The following MORC3 variants were observed in gnomAD, a reference collection of about 807,000 sequenced individuals.
MORC3 encodes MORC family CW-type zinc finger 3.
MORC3 carries 31 observed loss-of-function variants against 109.1 expected under a neutral mutation model. The observed-to-expected ratio is 0.28, with a 90% CI of 0.21 to 0.38. The LOEUF (loss-of-function observed/expected upper bound fraction) is 0.38. MORC3 is among the 10% of genes least tolerant of loss of function. The probability of loss-of-function intolerance (pLI) is 1.00; values close to 1 mark genes in which losing one functional copy is unlikely to be tolerated. For synonymous variants in MORC3, 395 were observed against 380.7 expected (o/e 1.04, Z -0.44); for missense variants, 867 against 1,135.8 (o/e 0.76, Z 3.40).
intron 8 of MORC3, among the ~76,000 whole-genome samples, chr21:36,346,492 G>GAGA (rs1428386555): frequency 9.2e-5 from 14 of 152,248 alleles, no homozygotes; most frequent in African/African-American, 3.4e-4. Context: ...AGTGCTTCAA[G>GAGA]ACCAGCTTGG....
chr21:36,374,321 C>T (rs570824536), intron 16 of MORC3, among the ~76,000 whole-genome samples: 17 of 152,072 alleles, frequency 1.1e-4, no homozygotes, highest in Non-Finnish European at 2.2e-4. Context: ...GAACTCCTGA[C>T]CTCAGGCGAT....
chr21:36,326,533 A>G (rs943718110), intron 1 of MORC3, among the ~76,000 whole-genome samples: 1 of 152,158 alleles, frequency 6.6e-6, no homozygotes, highest in African/African-American at 2.4e-5. Context: ...TAAATAAATA[A>G]TAAAATGTTT....
At chr21:36,345,661 C>G (rs767992413) in intron 8 of MORC3, among the ~76,000 whole-genome samples, 1 of 151,890 alleles carries the variant, frequency 6.6e-6, no homozygotes, top group Non-Finnish European at 1.5e-5. Context: ...ACCTGGTGAT[C>G]TGCCTGCCTC....
intron 7 of MORC3, 99 bp from the exon 8 acceptor site, chr21:36,344,813 C>T: frequency 1.3e-6 from 2 of 1,593,362 alleles, no homozygotes; most frequent in South Asian, 1.1e-5. Flanking sequence ...CTAGCTTTGC[C>T]CTCCTTTGTG....
chr21:36,367,905 T>G (rs912947845), intron 14 of MORC3, among the ~76,000 whole-genome samples: 8 of 152,216 alleles, frequency 5.3e-5, no homozygotes, highest in Non-Finnish European at 1.0e-4. Flanking sequence ...ACAGTTAAGC[T>G]AGCAATAGAC....
rs1220775510 is a variant in MORC3 at position 36,350,101 on chromosome 21, G to C, written c.1103+693G>C. On this transcript the variant is annotated intron_variant, in intron 9 of 16. Coordinates refer to ENST00000400485, the MANE Select transcript of MORC3 (RefSeq NM_015358.3). ...TGGACAAATTGCTTGAGCTCAGAAG[G>C]TTGAGACCAGCGTGGGCAACATGGC... Among the ~76,000 whole-genome samples the C allele has an allele frequency of 2.6e-5, 4 of 152,140 alleles. 1 individual carries two copies. Among genetic ancestry groups the C allele is most frequent in the African/African-American group, 7.2e-5 (3 of 41,424 alleles).
At position 36,337,911 on chromosome 21, in the gene MORC3, A is replaced by T; in HGVS notation, c.425A>T (p.His142Leu). The T allele has an allele frequency of 6.2e-7, 1 of 1,614,214 alleles. No homozygotes were observed. The highest frequency in any genetic ancestry group is 8.5e-7 in the Non-Finnish European group (1 of 1,180,036). Reference protein sequence around the residue: ...QTYLEVIKAEHVVVPIVAFNK... With the variant: ...QTYLEVIKAELVVVPIVAFNK... ...TACTTGGAAGTCATAAAAGCGGAGC[A>T]TGTTGTTGTTCCAATAGTGGCATTC... Residue 142 changes from histidine to leucine, a missense_variant, in exon 4 of 17, where the codon CAT (histidine) becomes CTT (leucine). Coordinates refer to ENST00000400485, the MANE Select transcript of MORC3 (RefSeq NM_015358.3).
At chr21:36,338,019 C>T in intron 4 of MORC3, 73 bp downstream of exon 4, 1 of 1,494,778 alleles carries the variant, frequency 6.7e-7, no homozygotes, top group South Asian at 1.2e-5. Flanking sequence ...TATGTTTTTG[C>T]CTTCTTCCAG....
intron 10 of MORC3, among the ~76,000 whole-genome samples, chr21:36,358,046 T>C (rs1461549149): frequency 6.6e-6 from 1 of 152,078 alleles, no homozygotes; most frequent in East Asian, 1.9e-4. Context: ...CATCCTGTTT[T>C]GAAGTTGTTT....
chr21:36,360,992 A>C (rs975372920), intron 12 of MORC3: 1 of 151,296 alleles, frequency 6.6e-6, no homozygotes, highest in African/African-American at 2.4e-5. Context: ...GAATCGTTTG[A>C]ACCTGGAGGG....
At position 36,337,062 on chromosome 21, in the gene MORC3, C is replaced by G. The variant is rs985355856; in HGVS notation, c.245+56C>G. On this transcript the variant is annotated intron_variant, in intron 3 of 16. Coordinates refer to ENST00000400485, the MANE Select transcript of MORC3 (RefSeq NM_015358.3). ...TTGTTGCTTTTACCTAAAGGGTTTT[C>G]CATGCCATACTTACTATTCTTGGTT... 20 of 1,567,964 alleles carry G rather than the reference C, an allele frequency of 1.3e-5. No homozygotes were observed. In the South Asian group the frequency reaches 2.2e-4, roughly 17 times the overall value.
intron 9 of MORC3, 37 bp downstream of exon 9, chr21:36,349,445 AG>A (rs1302951259): frequency 1.5e-6 from 2 of 1,349,968 alleles, no homozygotes; most frequent in African/African-American, 3.0e-5. Context: ...TGAGGTTCCT[AG>A]GAAATGTATT....
chr21:36,365,612 G>C (rs1053703999), intron 14 of MORC3, among the ~76,000 whole-genome samples: 2 of 151,984 alleles, frequency 1.3e-5, no homozygotes, highest in African/African-American at 4.8e-5. Flanking sequence ...TCGGAGTTTG[G>C]CTTTTGTTGC....
chr21:36,335,166 A>G (rs1569091344), intron 2 of MORC3, among the ~76,000 whole-genome samples: 1 of 152,188 alleles, frequency 6.6e-6, no homozygotes, highest in South Asian at 2.1e-4. Flanking sequence ...GCACACAAAC[A>G]TAAGCCTAAT....
At chr21:36,360,324 C>T in intron 12 of MORC3, 66 bp downstream of exon 12, 3 of 1,438,380 alleles carry the variant, frequency 2.1e-6, no homozygotes, top group South Asian at 1.2e-5. Flanking sequence ...GCCTTGGCAA[C>T]ATTATTTGAT....
intron 13 of MORC3, among the ~76,000 whole-genome samples, chr21:36,363,858 G>C (rs1299987673): frequency 6.6e-6 from 1 of 152,098 alleles, no homozygotes; most frequent in African/African-American, 2.4e-5. Context: ...TCTTTGTTTT[G>C]TTGCTTTGTT....
chr21:36,373,686 C>G lies in MORC3; in HGVS notation c.2666+1155C>G, dbSNP rs141801874. The stretch of plus-strand genomic sequence containing the variant: ...TTATCAAAGGTCTAGTGGACTCTTA[C>G]CATAAAAGCTCACAAAAAAACATGC... On this transcript the variant is annotated intron_variant, in intron 16 of 16. Coordinates refer to ENST00000400485, the MANE Select transcript of MORC3 (RefSeq NM_015358.3). 2.9e-3 allele frequency among the ~76,000 whole-genome samples: 447 copies of G among 151,772 alleles called. 2 individuals carry two copies. The highest frequency in any genetic ancestry group is 9.9e-3 in the African/African-American group (408 of 41,390).
rs751489657 is a variant in MORC3 at position 36,363,535 on chromosome 21, C to T, written c.1453-558C>T. ...TGCTCAGAACTCTTATATTAGCCTACATTGGGCAGTCATCTGACAGTCTGT... is the reference window on the plus strand; with the variant it reads ...TGCTCAGAACTCTTATATTAGCCTATATTGGGCAGTCATCTGACAGTCTGT... On this transcript the variant is annotated intron_variant, in intron 13 of 16. Coordinates refer to ENST00000400485, the MANE Select transcript of MORC3 (RefSeq NM_015358.3). 1.5e-4 allele frequency among the ~76,000 whole-genome samples: 23 copies of T among 152,214 alleles called. 1 individual carries two copies. Among genetic ancestry groups the T allele is most frequent in the Non-Finnish European group, 2.6e-4 (18 of 68,036 alleles).
chr21:36,340,638 C>CTTTTTTTTTTTTTTTTTTTTTCT (rs34899654), intron 5 of MORC3, among the ~76,000 whole-genome samples: 1 of 123,676 alleles, frequency 8.1e-6, no homozygotes, highest in Non-Finnish European at 1.7e-5. Flanking sequence ...TTCTTTCTTT[C>CTTTTTTTTTTTTTTTTTTTTTCT]TTTTTTTTTT....
Sources: gnomAD v4.1 joint callset for allele counts (sites outside exome capture counted in the v4.1 genomes callset) on GRCh38, gnomAD v4.1.1 for gene constraint, MANE v1.5 for transcripts, NCBI Gene and HGNC (gene_info 2026-07-23, HGNC 2026-07-21) for gene names.